Variants in HIRA observed in about 807,000 individuals in gnomAD.
HIRA encodes the protein protein HIRA.
HIRA carries 13 observed loss-of-function variants against 126.6 expected under a neutral mutation model. The ratio of observed to expected loss-of-function variants is 0.10; its 90% CI spans 0.07 to 0.16. HIRA has a LOEUF of 0.16. Ranked by LOEUF, HIRA falls within the 10% of genes least tolerant of loss-of-function variation. The pLI is 1.00. For synonymous variants in HIRA, 511 were observed against 520.0 expected (o/e 0.98, Z 0.24); for missense variants, 834 against 1,314.4 (o/e 0.63, Z 5.65).
chr22:19,349,638 G>A (rs1601808039), intron 24 of HIRA, among the ~76,000 whole-genome samples: 1 of 152,196 alleles, frequency 6.6e-6, no homozygotes, highest in Non-Finnish European at 1.5e-5. Flanking sequence ...TGGATGCAAA[G>A]TCTATGGAAC....
rs2146197689 is a variant in HIRA at position 19,361,430 on chromosome 22, C to T, written c.1981-89G>A. Reference sequence around the variant, plus strand: ...CAGGTCACCCAGAAGTGAGGCTGAGCCTGCGACCAGAGCATTTCCACCCTG... The same window carrying T: ...CAGGTCACCCAGAAGTGAGGCTGAGTCTGCGACCAGAGCATTTCCACCCTG... On this transcript the variant is annotated intron_variant, in intron 16 of 24. Coordinates refer to ENST00000263208, the MANE Select transcript of HIRA (RefSeq NM_003325.4). The T allele has an allele frequency of 4.5e-6, 5 of 1,117,822 alleles. No homozygotes were observed. The South Asian group carries it at 6.5e-5, about 15-fold the overall frequency. The allele number at this position is 1,117,822 out of a possible 1,614,324, so 69.2% of individuals were successfully genotyped here.
chr22:19,411,343 A>G (rs1003557798), intron 1 of HIRA, among the ~76,000 whole-genome samples: 2 of 152,192 alleles, frequency 1.3e-5, no homozygotes, highest in African/African-American at 2.4e-5. Flanking sequence ...TTCCTCCAGG[A>G]GAAAGGACTG....
intron 6 of HIRA, among the ~76,000 whole-genome samples, 156 bp downstream of exon 6, chr22:19,397,835 CA>C (rs1012960375): frequency 1.3e-5 from 2 of 152,174 alleles, no homozygotes; most frequent in Admixed American, 6.5e-5. Flanking sequence ...AAAGCTTAAA[CA>C]AATGTAACTG....
Position 19,431,539 on chromosome 22 carries a change from T to A in HIRA, c.-63A>T. On this transcript the variant is annotated 5_prime_UTR_variant, in exon 1 of 25. It removes an upstream start codon present in the reference 5' UTR. Transcript: ENST00000263208. ...CGGGTCCCTCAGCGCGCCCGGGCCA[T>A]GGAGCCACCGCCGCCGCTTCCTCCC... The A allele has an allele frequency of 7.6e-7, 1 of 1,320,064 alleles. No homozygotes were observed. The highest frequency in any genetic ancestry group is 9.8e-7 in the Non-Finnish European group (1 of 1,020,464). The allele number at this position is 1,320,064 out of a possible 1,614,324, so 81.8% of individuals were successfully genotyped here. A position where few individuals can be genotyped will look rare whatever the true frequency, so the allele number is the denominator to read the frequency against.
rs141367700 is a variant in HIRA, at chr22:19,350,479, C to T, written c.2937+879G>A. Among the ~76,000 whole-genome samples, 202 of 152,300 alleles carry T rather than the reference C, an allele frequency of 1.3e-3. 1 individual carries two copies. The Middle Eastern group carries it at 0.027, about 21-fold the overall frequency. On this transcript the variant is annotated intron_variant, in intron 24 of 24. Transcript: ENST00000263208. ...TTTGCAGCTGAACCTGGAGGTGCCA[C>T]ATGTTCATTATGCTTTTTCCTTCCA...
In HIRA at chr22:19,388,475, C is replaced by A; in HGVS notation, c.1007+9G>T. ...CTTAACCTATTCCTGTAAGTAGAAT[C>A]CACCTTACCAGGAAATATCCATGAT... is the stretch of plus-strand genomic sequence containing the variant. On this transcript the variant is annotated intron_variant, in intron 10 of 24. Coordinates refer to ENST00000263208, the MANE Select transcript of HIRA (RefSeq NM_003325.4). 1 of 1,600,542 alleles carries A rather than the reference C, an allele frequency of 6.2e-7. No individual in the cohort carries two copies. The highest frequency in any genetic ancestry group is 1.7e-5 in the Admixed American group (1 of 60,016).
chr22:19,424,477 C>T (rs1362862526), intron 1 of HIRA, among the ~76,000 whole-genome samples: 3 of 152,288 alleles, frequency 2.0e-5, no homozygotes, highest in African/African-American at 4.8e-5. Flanking sequence ...GGTTAGAAGC[C>T]CCAAGGCACT....
chr22:19,384,342 AAG>A (rs1491010822), intron 12 of HIRA, among the ~76,000 whole-genome samples: 35 of 151,478 alleles, frequency 2.3e-4, no homozygotes, highest in African/African-American at 6.5e-4. Context: ...AAAAAAAAAA[AAG>A]AGAGATATCA....
intron 24 of HIRA, among the ~76,000 whole-genome samples, chr22:19,339,895 A>G (rs1556007132): frequency 6.6e-6 from 1 of 152,218 alleles, no homozygotes; most frequent in Non-Finnish European, 1.5e-5. Context: ...TGCCAACAAA[A>G]AAACAGTCTG....
At chr22:19,413,631 A>T (rs1019909394) in intron 1 of HIRA, among the ~76,000 whole-genome samples, 11 of 97,440 alleles carry the variant, frequency 1.1e-4, no homozygotes, top group African/African-American at 3.5e-4. Context: ...ATTTATTTAT[A>T]GACAGAGTTT....
intron 9 of HIRA, among the ~76,000 whole-genome samples, chr22:19,389,683 G>A (rs1431262368): frequency 6.6e-6 from 1 of 152,016 alleles, no homozygotes; most frequent in East Asian, 1.9e-4. Flanking sequence ...TCTACAGGCC[G>A]TGTGACTGCC....
At chr22:19,427,210 C>T (rs1048758452) in intron 1 of HIRA, among the ~76,000 whole-genome samples, 2 of 152,190 alleles carry the variant, frequency 1.3e-5, no homozygotes, top group Non-Finnish European at 2.9e-5. Context: ...GTAGCACGTA[C>T]CCTGCCCAAC....
In HIRA at chr22:19,410,687, C is replaced by T. The variant is rs1031883344; in HGVS notation, c.100+29G>A. The stretch of plus-strand genomic sequence containing the variant: ...AGAGCAAGGTGGCAGGGCTGTTAAG[C>T]TTTCCCTTTCTTTATTCCATAAACA... On this transcript the variant is annotated intron_variant, in intron 2 of 24. Transcript: ENST00000263208. 2.5e-6 allele frequency: 4 copies of T among 1,578,926 alleles called. No homozygotes were observed. The Admixed American group carries it at 5.0e-5, about 20-fold the overall frequency.
intron 1 of HIRA, among the ~76,000 whole-genome samples, chr22:19,421,426 TAA>T (rs1210302589): frequency 2.0e-5 from 3 of 152,200 alleles, no homozygotes; most frequent in Admixed American, 6.5e-5. Flanking sequence ...GGGATTTGGT[TAA>T]AGTCTTAAAA....
At chr22:19,353,149 G>A (rs1397064697) in intron 23 of HIRA, among the ~76,000 whole-genome samples, 3 of 152,174 alleles carry the variant, frequency 2.0e-5, no homozygotes, top group South Asian at 2.1e-4. Context: ...GCTTCTCTGC[G>A]GGAACACCCT....
intron 16 of HIRA, 111 bp downstream of exon 16, chr22:19,361,616 C>T: frequency 9.4e-7 from 1 of 1,061,286 alleles, no homozygotes; most frequent in South Asian, 1.4e-5. Flanking sequence ...TCTAAGCCAG[C>T]TGGTTCCCAA....
chr22:19,385,836 A>C, intron 11 of HIRA, 100 bp from the exon 12 acceptor site: 1 of 1,178,136 alleles, frequency 8.5e-7, no homozygotes, highest in South Asian at 1.4e-5. Flanking sequence ...CCTGGCTCTG[A>C]GTGGAGAAGG....
chr22:19,426,501 C>A (rs2089489451), intron 1 of HIRA, among the ~76,000 whole-genome samples: 1 of 152,202 alleles, frequency 6.6e-6, no homozygotes, highest in South Asian at 2.1e-4. Flanking sequence ...AGGACACATC[C>A]ACAAACCCGA....
chr22:19,403,928 C>G (rs1313498032), intron 5 of HIRA, among the ~76,000 whole-genome samples: 1 of 152,104 alleles, frequency 6.6e-6, no homozygotes, highest in Non-Finnish European at 1.5e-5. Flanking sequence ...TTTCCTAATC[C>G]TATGGTATCA....
Sources: gnomAD v4.1 joint callset for allele counts (sites outside exome capture counted in the v4.1 genomes callset) on GRCh38, gnomAD v4.1.1 for gene constraint, MANE v1.5 for transcripts, NCBI Gene and HGNC (gene_info 2026-07-23, HGNC 2026-07-21) for gene names.